Variants in ANK1 observed in about 807,000 individuals in gnomAD.
ANK1 encodes ankyrin-1.
Under a neutral mutation model 210.4 loss-of-function variants are expected in ANK1, and 51 were observed. The observed-to-expected ratio is 0.24, with a 90% confidence interval of 0.19 to 0.31. The LOEUF is 0.31. ANK1 is among the 10% of genes least tolerant of loss of function. The pLI is 1.00. For missense variants in ANK1, 2,051 were observed against 2,504.4 expected (o/e 0.82, Z 3.86); for synonymous variants, 967 against 1,025.9 (o/e 0.94, Z 1.10).
Position 41,702,091 on chromosome 8 carries a change from G to C in ANK1, c.2349C>G (p.Thr783=), listed in dbSNP as rs2304880. The C allele has an allele frequency of 6.2e-7, 1 of 1,613,790 alleles. No homozygotes were observed. The highest frequency in any genetic ancestry group is 8.5e-7 in the Non-Finnish European group (1 of 1,179,848). Residue 783 remains threonine, a synonymous_variant, in exon 21 of 43, where the codon ACC becomes ACG. Coordinates refer to ENST00000289734, the MANE Select transcript of ANK1 (RefSeq NM_000037.4). The part of the protein sequence containing the change: ...IAKRLGYISV[T]DVLKVVTDET... ...CATCCGTGACGACCTTGAGCACGTCGGTGACAGAAATGTAGCCCAAGCGCT... is the reference window on the plus strand; with the variant it reads ...CATCCGTGACGACCTTGAGCACGTCCGTGACAGAAATGTAGCCCAAGCGCT...
intron 14 of ANK1, 126 bp from the exon 15 acceptor site, chr8:41,715,200 A>C: frequency 1.2e-6 from 1 of 868,742 alleles, no homozygotes; most frequent in Non-Finnish European, 1.8e-6. Context: ...AGGCACAGCC[A>C]TTTTTGAGCC....
At chr8:41,763,627 A>G (rs75714560) in intron 1 of ANK1, among the ~76,000 whole-genome samples, 22,775 of 152,038 alleles carry the variant, frequency 0.15, 2,189 homozygotes, top group South Asian at 0.23. Flanking sequence ...GGGCAGGCCT[A>G]TATGCCTCGG....
chr8:41,887,122 C>A (rs756883118), intron 1 of ANK1, among the ~76,000 whole-genome samples: 1 of 152,032 alleles, frequency 6.6e-6, no homozygotes, highest in Non-Finnish European at 1.5e-5. Flanking sequence ...AGAAGACACA[C>A]AGTCAGAGAA....
chr8:41,842,476 G>A (rs1809129468), intron 1 of ANK1, among the ~76,000 whole-genome samples: 1 of 151,654 alleles, frequency 6.6e-6, no homozygotes, highest in East Asian at 1.9e-4. Context: ...CCAGGCAACA[G>A]AGCGAGACTC....
chr8:41,861,683 C>T (rs767880874), intron 1 of ANK1, among the ~76,000 whole-genome samples: 7 of 152,250 alleles, frequency 4.6e-5, no homozygotes, highest in Non-Finnish European at 8.8e-5. Flanking sequence ...GCCAGGCCCA[C>T]GCTAGGCACT....
At chr8:41,896,251 AC>A in intron 1 of ANK1, 2 of 1,382,344 alleles carry the variant, frequency 1.4e-6, no homozygotes, top group South Asian at 1.6e-5. Flanking sequence ...ACTCCGCCGC[AC>A]CGGGCGCCGC....
At chr8:41,850,934 CTCTT>C (rs1210780521) in intron 1 of ANK1, among the ~76,000 whole-genome samples, 1 of 152,240 alleles carries the variant, frequency 6.6e-6, no homozygotes, top group African/African-American at 2.4e-5. Context: ...GCTACCCGGC[CTCTT>C]TCTAAGGGAG....
chr8:41,684,714 ACGTTACTCCAGGC>A, intron 36 of ANK1, 24 bp from the exon 37 acceptor site: 1 of 1,611,678 alleles, frequency 6.2e-7, no homozygotes, highest in South Asian at 1.1e-5. Flanking sequence ...AGAGAGATGC[ACGTTACTCCAGGC>A]CGGTGAGCGA....
At chr8:41,677,092 G>A (rs532055824) in intron 37 of ANK1, among the ~76,000 whole-genome samples, 67 of 152,232 alleles carry the variant, frequency 4.4e-4, no homozygotes, top group African/African-American at 1.6e-3. Context: ...CAAGGAATTT[G>A]TTGATTTCAC....
chr8:41,741,747 G>A (rs1834849303), intron 2 of ANK1, among the ~76,000 whole-genome samples: 1 of 152,138 alleles, frequency 6.6e-6, no homozygotes, highest in Admixed American at 6.5e-5. Flanking sequence ...ATGGGTTCAG[G>A]AAAAAATGAT....
At chr8:41,751,571 T>A (rs1234201922) in intron 2 of ANK1, among the ~76,000 whole-genome samples, 2 of 152,072 alleles carry the variant, frequency 1.3e-5, no homozygotes, top group Non-Finnish European at 2.9e-5. Flanking sequence ...AATGACCCAT[T>A]CCCAGGCTGC....
chr8:41,724,477 G>C lies in ANK1; in HGVS notation c.690C>G (p.Ala230=), dbSNP rs138331080. ...TTACCTGTGGTGTGAAATTGACGCT[G>C]GCTCCTCTGTTGAGGAGCAACTGGG... ...NVAQLLLNRG[A]SVNFTPQNGI... Residue 230 remains alanine, a synonymous_variant, in exon 7 of 43, where the codon GCC becomes GCG. Transcript: ENST00000289734. 230 of 1,591,924 alleles carry C rather than the reference G, an allele frequency of 1.4e-4. 1 individual carries two copies. The African/African-American group carries it at 3.0e-3, about 21-fold the overall frequency.
At chr8:41,807,019 T>G (rs976175056) in intron 1 of ANK1, among the ~76,000 whole-genome samples, 3 of 152,220 alleles carry the variant, frequency 2.0e-5, no homozygotes, top group Admixed American at 1.3e-4. Context: ...TAATTAACAT[T>G]TATTAAAATT....
rs1311557814 is a variant in ANK1 at position 41,717,060 on chromosome 8, T to C, written c.1306-9A>G. On this transcript the variant is annotated splice_polypyrimidine_tract_variant and intron_variant, in intron 12 of 42. Transcript: ENST00000289734. ...AGCGGGGTCTCCACTTTCTATAAAATAACAAAATTATAGAACTGTTCATAC... is the reference window on the plus strand; with the variant it reads ...AGCGGGGTCTCCACTTTCTATAAAACAACAAAATTATAGAACTGTTCATAC... 1 of 1,613,888 alleles carries C rather than the reference T, an allele frequency of 6.2e-7. No homozygotes were observed. The highest frequency in any genetic ancestry group is 2.2e-5 in the East Asian group (1 of 44,894).
chr8:41,768,967 G>A (rs544550953), intron 1 of ANK1, among the ~76,000 whole-genome samples: 2 of 152,184 alleles, frequency 1.3e-5, no homozygotes, highest in East Asian at 3.9e-4. Context: ...GTGAGACCCT[G>A]TCTCTAAAAA....
chr8:41,860,355 C>T (rs1280945288), intron 1 of ANK1, among the ~76,000 whole-genome samples: 1 of 152,202 alleles, frequency 6.6e-6, no homozygotes, highest in Non-Finnish European at 1.5e-5. Flanking sequence ...GCAAGAGAAC[C>T]CCAAACTACA....
chr8:41,762,204 C>T (rs1381846471), intron 1 of ANK1, among the ~76,000 whole-genome samples: 3 of 152,202 alleles, frequency 2.0e-5, no homozygotes, highest in South Asian at 2.1e-4. Flanking sequence ...TAGCCTGCAC[C>T]TTCCTCCTCC....
chr8:41,833,512 G>C (rs1054887968), intron 1 of ANK1, among the ~76,000 whole-genome samples: 1 of 152,240 alleles, frequency 6.6e-6, no homozygotes, highest in Non-Finnish European at 1.5e-5. Flanking sequence ...ATGCAACAAG[G>C]ATAAACGGAA....
chr8:41,728,089 G>T, intron 3 of ANK1, 83 bp from the exon 4 acceptor site: 1 of 1,396,276 alleles, frequency 7.2e-7, no homozygotes. Flanking sequence ...GACAGGTGCT[G>T]CTTGAGGGAC....
Sources: gnomAD v4.1 joint callset for allele counts (sites outside exome capture counted in the v4.1 genomes callset) on GRCh38, gnomAD v4.1.1 for gene constraint, MANE v1.5 for transcripts, NCBI Gene and HGNC (gene_info 2026-07-23, HGNC 2026-07-21) for gene names.